SPRED1: variants seen among roughly 807,000 people sequenced by gnomAD.
SPRED1 encodes sprouty-related, EVH1 domain-containing protein 1.
Under a neutral mutation model 52.3 loss-of-function variants are expected in SPRED1, and 18 were observed. The ratio of observed to expected loss-of-function variants is 0.34; its 90% confidence interval spans 0.24 to 0.51. The LOEUF (loss-of-function observed/expected upper bound fraction) is 0.51, where lower values mean the gene tolerates loss of function less well. Ranked by LOEUF, SPRED1 falls within the 20% of genes least tolerant of loss-of-function variation. The pLI, the probability that SPRED1 is intolerant of heterozygous loss-of-function variation, is 0.97. For missense variants in SPRED1, 485 were observed against 551.0 expected (o/e 0.88, Z 1.20); for synonymous variants, 155 against 179.7 (o/e 0.86, Z 1.10).
chr15:38,326,586 G>C (rs1028761002), intron 4 of SPRED1, among the ~76,000 whole-genome samples: 1 of 152,190 alleles, frequency 6.6e-6, no homozygotes, highest in Non-Finnish European at 1.5e-5. Context: ...CCTATACGAA[G>C]TGTAAATGTA....
chr15:38,296,109 G>A (rs560284156), intron 1 of SPRED1, among the ~76,000 whole-genome samples: 1 of 152,224 alleles, frequency 6.6e-6, no homozygotes, highest in Non-Finnish European at 1.5e-5. Context: ...AAAACAAGGA[G>A]AAAACATAAA....
At position 38,286,772 on chromosome 15, in the gene SPRED1, A is replaced by T. The variant is rs143639393; in HGVS notation, c.33-12601A>T. On this transcript the variant is annotated intron_variant, in intron 1 of 6. Coordinates refer to ENST00000299084, the MANE Select transcript of SPRED1 (RefSeq NM_152594.3). Reference sequence around the variant, plus strand: ...ATTTCTTTTAAACCATCATCCAAGTAAGTGAAGTTTTTCTGAAGCAGTGTC... The same window carrying T: ...ATTTCTTTTAAACCATCATCCAAGTTAGTGAAGTTTTTCTGAAGCAGTGTC... Among the ~76,000 whole-genome samples the T allele has an allele frequency of 5.0e-4, 76 of 152,256 alleles. 1 individual carries two copies. The East Asian group carries it at 0.013, about 27-fold the overall frequency.
chr15:38,254,447 T>C (rs1894049597), intron 1 of SPRED1, among the ~76,000 whole-genome samples: 1 of 152,064 alleles, frequency 6.6e-6, no homozygotes, highest in African/African-American at 2.4e-5. Flanking sequence ...GAAGCAGAAG[T>C]GGCAGCCATG....
intron 1 of SPRED1, among the ~76,000 whole-genome samples, chr15:38,285,206 G>T (rs1311747483): frequency 1.3e-5 from 2 of 152,212 alleles, no homozygotes; most frequent in East Asian, 1.9e-4. Context: ...TTATTCAGCA[G>T]ATATTTTCAG....
chr15:38,316,014 C>A (rs6495961), intron 2 of SPRED1, among the ~76,000 whole-genome samples: 147,189 of 152,114 alleles, frequency 0.97, 71,392 homozygotes, highest in East Asian at 1. Flanking sequence ...ACTAATTACT[C>A]TACTGAATTC....
At chr15:38,308,139 G>A (rs184022563) in intron 2 of SPRED1, among the ~76,000 whole-genome samples, 14 of 152,224 alleles carry the variant, frequency 9.2e-5, no homozygotes, top group Non-Finnish European at 2.1e-4. Flanking sequence ...ACTAGAATTT[G>A]ATACTAATTT....
Position 38,257,295 on chromosome 15 carries a change from G to A in SPRED1, c.32+4078G>A, listed in dbSNP as rs116567763. On this transcript the variant is annotated intron_variant, in intron 1 of 6. Transcript: ENST00000299084. The stretch of plus-strand genomic sequence containing the variant: ...TACTTTTGTTTGTATGCCTAGCACA[G>A]TGCTTGATGGCAAATGCTCTACAAA... 2.5e-3 allele frequency among the ~76,000 whole-genome samples: 388 copies of A among 152,250 alleles called. 1 individual carries two copies. The highest frequency in any genetic ancestry group is 9.0e-3 in the African/African-American group (376 of 41,554).
At chr15:38,292,774 T>C (rs1894951067) in intron 1 of SPRED1, among the ~76,000 whole-genome samples, 1 of 152,162 alleles carries the variant, frequency 6.6e-6, no homozygotes, top group Non-Finnish European at 1.5e-5. Context: ...CCATATCACA[T>C]ACTTAGCTAT....
chr15:38,295,471 G>A (rs1181732535), intron 1 of SPRED1, among the ~76,000 whole-genome samples: 1 of 152,090 alleles, frequency 6.6e-6, no homozygotes, highest in South Asian at 2.1e-4. Flanking sequence ...ATAAAGATAC[G>A]GTATTGTAAT....
At chr15:38,258,817 A>G (rs1894152554) in intron 1 of SPRED1, among the ~76,000 whole-genome samples, 1 of 152,220 alleles carries the variant, frequency 6.6e-6, no homozygotes, top group Non-Finnish European at 1.5e-5. Flanking sequence ...AGCCATTTGT[A>G]CATCATTTAT....
intron 4 of SPRED1, among the ~76,000 whole-genome samples, chr15:38,333,641 T>G (rs1895850718): frequency 6.6e-6 from 1 of 152,098 alleles, no homozygotes. Context: ...GGTAAGAATA[T>G]GGAGCACCGA....
chr15:38,315,821 G>T (rs1895467433), intron 2 of SPRED1, among the ~76,000 whole-genome samples: 1 of 151,900 alleles, frequency 6.6e-6, no homozygotes, highest in Non-Finnish European at 1.5e-5. Context: ...CTATTGTGGG[G>T]TAGTGGCATC....
intron 4 of SPRED1, among the ~76,000 whole-genome samples, chr15:38,336,484 ATATT>A (rs1355696565): frequency 2.0e-5 from 3 of 146,974 alleles, no homozygotes; most frequent in Non-Finnish European, 3.0e-5. Context: ...TATGTTATAT[ATATT>A]ATTTGAGTCA....
At chr15:38,278,206 G>T (rs995898519) in intron 1 of SPRED1, among the ~76,000 whole-genome samples, 1 of 152,158 alleles carries the variant, frequency 6.6e-6, no homozygotes, top group Non-Finnish European at 1.5e-5. Flanking sequence ...TCCTGGCTGG[G>T]AGTGGTGGCC....
chr15:38,257,935 G>A (rs1450991662), intron 1 of SPRED1, among the ~76,000 whole-genome samples: 1 of 152,158 alleles, frequency 6.6e-6, no homozygotes, highest in Non-Finnish European at 1.5e-5. Context: ...ACTTGAACTT[G>A]ACTAGTCTTA....
In SPRED1 at chr15:38,268,505, C is replaced by T. The variant is rs184040538; in HGVS notation, c.32+15288C>T. ...TGTTTTGTGAAAAGTTATGTGTGTG[C>T]GTGATACACTTACCCTTGTGACTAC... On this transcript the variant is annotated intron_variant, in intron 1 of 6. Transcript: ENST00000299084. Among the ~76,000 whole-genome samples, 22 of 152,202 alleles carry T rather than the reference C, an allele frequency of 1.4e-4. No homozygotes were observed. In the South Asian group the frequency reaches 3.7e-3, roughly 26 times the overall value.
intron 1 of SPRED1, among the ~76,000 whole-genome samples, chr15:38,275,556 G>T (rs571148755): frequency 1.2e-4 from 18 of 152,236 alleles, no homozygotes; most frequent in South Asian, 8.3e-4. Flanking sequence ...GGAGTGCAAT[G>T]GCGTGATCTT....
At chr15:38,269,087 C>T (rs965228483) in intron 1 of SPRED1, among the ~76,000 whole-genome samples, 1 of 151,882 alleles carries the variant, frequency 6.6e-6, no homozygotes, top group Non-Finnish European at 1.5e-5. Flanking sequence ...CTAAGGTGCC[C>T]ACCACCATGT....
At position 38,351,740 on chromosome 15, in the gene SPRED1, G is replaced by C; in HGVS notation, c.*76G>C. ...TAACTTGGATTTGTGGAAGCTTTTG[G>C]CAAGCAATATGGAATCTTGCCTGGT... On this transcript the variant is annotated 3_prime_UTR_variant, in exon 7 of 7. Transcript: ENST00000299084. The C allele has an allele frequency of 6.5e-7, 1 of 1,549,710 alleles. No individual in the cohort carries two copies. Among genetic ancestry groups the C allele is most frequent in the Non-Finnish European group, 8.7e-7 (1 of 1,143,228 alleles).
Sources: allele counts gnomAD v4.1 joint callset (sites outside exome capture counted in the v4.1 genomes callset), GRCh38; gene constraint gnomAD v4.1.1; transcripts MANE v1.5; gene names NCBI Gene and HGNC (gene_info 2026-07-23, HGNC 2026-07-21).